Variants in VPS13A observed in about 807,000 individuals in gnomAD.
VPS13A encodes vacuolar protein sorting 13 homolog A.
VPS13A carries 264 observed loss-of-function variants against 390.9 expected under a neutral mutation model. The ratio of observed to expected loss-of-function variants is 0.68; its 90% CI spans 0.61 to 0.75. The LOEUF (loss-of-function observed/expected upper bound fraction) is 0.75, where lower values mean the gene tolerates loss of function less well. Ranked by LOEUF, VPS13A falls within the 30% of genes least tolerant of loss-of-function variation. The probability of loss-of-function intolerance (pLI) is 0.00; values close to 1 mark genes in which losing one functional copy is unlikely to be tolerated. For missense variants in VPS13A, 3,409 were observed against 3,733.9 expected (o/e 0.91, Z 2.27); for synonymous variants, 1,231 against 1,227.1 (o/e 1.00, Z -0.07).
chr9:77,411,478 A>G (rs11521742), intron 71 of VPS13A, among the ~76,000 whole-genome samples: 26,783 of 151,728 alleles, frequency 0.18, 3,156 homozygotes, highest in East Asian at 0.43. Flanking sequence ...CCTGGCTAAC[A>G]TGGTGAAACC....
At chr9:77,412,564 T>C in intron 71 of VPS13A, among the ~76,000 whole-genome samples, 1 of 152,142 alleles carries the variant, frequency 6.6e-6, no homozygotes, top group East Asian at 1.9e-4. Flanking sequence ...CTAAAAACTC[T>C]CAATAAATTA....
chr9:77,365,781 T>C (rs1234305945), intron 60 of VPS13A, among the ~76,000 whole-genome samples: 2 of 152,218 alleles, frequency 1.3e-5, no homozygotes, highest in Admixed American at 1.3e-4. Context: ...ATGTTTATAA[T>C]TTGACCTAAC....
At chr9:77,370,712 G>C (rs1160734036) in intron 65 of VPS13A, 134 bp downstream of exon 65, 1 of 1,418,024 alleles carries the variant, frequency 7.1e-7, no homozygotes, top group Non-Finnish European at 9.7e-7. Context: ...GTGGGTGGTA[G>C]CATATAAAAC....
At chr9:77,364,573 A>G (rs1017517537) in intron 59 of VPS13A, among the ~76,000 whole-genome samples, 3 of 152,172 alleles carry the variant, frequency 2.0e-5, no homozygotes, top group South Asian at 2.1e-4. Flanking sequence ...AAGTCCTCCA[A>G]TTGAGGACTG....
chr9:77,299,381 C>T (rs926890496), intron 33 of VPS13A, among the ~76,000 whole-genome samples: 2 of 152,130 alleles, frequency 1.3e-5, no homozygotes, highest in African/African-American at 4.8e-5. Context: ...GAGATACCAT[C>T]TCACACCAGT....
rs139444683 is a variant in VPS13A at position 77,221,345 on chromosome 9, G to A, written c.1150G>A (p.Val384Met). 60 of 1,612,598 alleles carry A rather than the reference G, an allele frequency of 3.7e-5. 1 individual carries two copies. Among genetic ancestry groups the A allele is most frequent in the African/African-American group, 2.0e-4 (15 of 74,982 alleles). The change falls in exon 13 of 72, where the codon GTG becomes ATG. Residue 384 changes from valine to methionine, a missense_variant. This residue lies in a region of VPS13A where 2,717 missense variants were observed against 2,917.4 expected (regional missense o/e 0.93). Coordinates refer to ENST00000360280, the MANE Select transcript of VPS13A (RefSeq NM_033305.3). ...TSKKPPGELL[V>M]SLEELEKTLD... ...TAAGAAGCCACCTGGTGAACTTCTC[G>A]TGTCTTTGGAGGTTAGCATTTAAAA...
intron 6 of VPS13A, among the ~76,000 whole-genome samples, 190 bp downstream of exon 6, chr9:77,209,722 C>T (rs930407905): frequency 1.3e-5 from 2 of 152,132 alleles, no homozygotes; most frequent in Non-Finnish European, 2.9e-5. Flanking sequence ...CTTGATTTTA[C>T]ACTTTCCCAA....
rs1285219112 is a variant in VPS13A at position 77,182,087 on chromosome 9, T to G, written c.100+4283T>G. Among the ~76,000 whole-genome samples the G allele has an allele frequency of 4.6e-5, 7 of 152,274 alleles. No individual in the cohort carries two copies. In the South Asian group the frequency reaches 1.2e-3, roughly 27 times the overall value. ...ATCTTCCCAACTTTCTCCAGCAATT[T>G]TCTTTTTCTTTTTCTTTTCTTTTTG... On this transcript the variant is annotated intron_variant, in intron 1 of 71. Coordinates refer to ENST00000360280, the MANE Select transcript of VPS13A (RefSeq NM_033305.3).
intron 67 of VPS13A, among the ~76,000 whole-genome samples, chr9:77,373,465 C>G (rs1832893334): frequency 7.9e-6 from 1 of 126,036 alleles, no homozygotes. Context: ...CCCTTCCTTA[C>G]ACCTTATACA....
intron 23 of VPS13A, among the ~76,000 whole-genome samples, chr9:77,265,821 C>A (rs563785156): frequency 1.1e-4 from 17 of 152,204 alleles, no homozygotes; most frequent in African/African-American, 4.1e-4. Flanking sequence ...TTAGTTATTT[C>A]TTGTCTTCTG....
Position 77,408,653 on chromosome 9 carries a change from C to A in VPS13A, c.9474+1046C>A, listed in dbSNP as rs577920777. Among the ~76,000 whole-genome samples, 112 of 152,382 alleles carry A rather than the reference C, an allele frequency of 7.3e-4. 5 individuals carry two copies. In the South Asian group the frequency reaches 0.02, roughly 28 times the overall value. ...CACACCAGGAGATTATATCCCATGCCTGGCTCGGAGGGTCCTACGCCCACG... is the reference window on the plus strand; with the variant it reads ...CACACCAGGAGATTATATCCCATGCATGGCTCGGAGGGTCCTACGCCCACG... On this transcript the variant is annotated intron_variant, in intron 71 of 71. Coordinates refer to ENST00000360280, the MANE Select transcript of VPS13A (RefSeq NM_033305.3).
chr9:77,200,210 G>A (rs1330834603), intron 2 of VPS13A, among the ~76,000 whole-genome samples: 6 of 152,064 alleles, frequency 3.9e-5, no homozygotes, highest in Admixed American at 1.3e-4. Context: ...TTTTAGGCTG[G>A]GCATGGTGGC....
intron 22 of VPS13A, among the ~76,000 whole-genome samples, chr9:77,256,547 A>G (rs532009644): frequency 2.0e-5 from 3 of 152,156 alleles, no homozygotes; most frequent in South Asian, 4.2e-4. Context: ...TTATTAATCT[A>G]CTGCCTGGTG....
intron 1 of VPS13A, chr9:77,178,190 G>A (rs963818624): frequency 4.0e-5 from 11 of 273,132 alleles, no homozygotes; most frequent in African/African-American, 2.3e-4. Flanking sequence ...TCCTGGGCTG[G>A]GTCCCATCCC....
In VPS13A at chr9:77,200,002, A is replaced by C; in HGVS notation, c.144+14A>C. ...GAAAATGCCCTGGTAGGTTTTGACT[A>C]TGAAAAATTTGTAAAGTTATTGCAT... On this transcript the variant is annotated intron_variant, in intron 2 of 71. Transcript: ENST00000360280. 1 of 1,601,750 alleles carries C rather than the reference A, an allele frequency of 6.2e-7. No individual in the cohort carries two copies. Among genetic ancestry groups the C allele is most frequent in the Non-Finnish European group, 8.5e-7 (1 of 1,171,334 alleles).
intron 23 of VPS13A, among the ~76,000 whole-genome samples, chr9:77,262,509 G>A (rs921961937): frequency 2.6e-5 from 4 of 151,902 alleles, no homozygotes; most frequent in Non-Finnish European, 4.4e-5. Flanking sequence ...AGGTATACAC[G>A]TGCCATGGTG....
At chr9:77,267,883 A>T (rs970541596) in intron 23 of VPS13A, among the ~76,000 whole-genome samples, 1 of 152,206 alleles carries the variant, frequency 6.6e-6, no homozygotes, top group Non-Finnish European at 1.5e-5. Flanking sequence ...AGGAGTCTAG[A>T]GAGGCAGTCT....
intron 4 of VPS13A, among the ~76,000 whole-genome samples, 186 bp from the exon 5 acceptor site, chr9:77,205,792 G>A (rs1005281497): frequency 3.2e-4 from 49 of 151,962 alleles, no homozygotes; most frequent in African/African-American, 6.8e-4. Context: ...GGGTTTCACC[G>A]TGTTGGCCAG....
Position 77,273,305 on chromosome 9 carries a change from C to A in VPS13A, c.2453C>A (p.Thr818Lys), listed in dbSNP as rs144279178. 2.5e-6 allele frequency: 4 copies of A among 1,611,950 alleles called. No homozygotes were observed. The highest frequency in any genetic ancestry group is 3.4e-6 in the Non-Finnish European group (4 of 1,178,976). Reference sequence around the variant, plus strand: ...ATTCAAACATCTACTTCTTTGGGAACATCACAGATTTCACAGAAAATAATT... The same window carrying A: ...ATTCAAACATCTACTTCTTTGGGAAAATCACAGATTTCACAGAAAATAATT... ...FQIQTSTSLGTSQISQKIIPL... is the reference protein window; with the variant it reads ...FQIQTSTSLGKSQISQKIIPL... The change falls in exon 24 of 72, where the codon ACA becomes AAA. Residue 818 changes from threonine to lysine, a missense_variant. Physicochemically the swap from Thr to Lys is moderately conservative, Grantham distance 78. Coordinates refer to ENST00000360280, the MANE Select transcript of VPS13A (RefSeq NM_033305.3).
Sources: gnomAD v4.1 joint callset for allele counts (sites outside exome capture counted in the v4.1 genomes callset) on GRCh38, gnomAD v4.1.1 for gene constraint, gnomAD v4.1.1 regional missense constraint, MANE v1.5 for transcripts, NCBI Gene and HGNC (gene_info 2026-07-23, HGNC 2026-07-21) for gene names.